INPP5A: variants seen among roughly 807,000 people sequenced by gnomAD.
INPP5A encodes inositol polyphosphate-5-phosphatase A.
A neutral mutation model predicts 65.2 loss-of-function variants in INPP5A; 14 were observed. The observed-to-expected ratio is 0.21, with a 90% CI of 0.14 to 0.34. INPP5A has a LOEUF of 0.34. Among genes scored for constraint, INPP5A ranks in the 10% least tolerant of loss-of-function variants. The pLI is 1.00. For missense variants in INPP5A, 431 were observed against 545.6 expected (o/e 0.79, Z 2.09); for synonymous variants, 207 against 208.3 (o/e 0.99, Z 0.05).
chr10:132,595,689 C>T (rs1338310046), intron 1 of INPP5A, among the ~76,000 whole-genome samples: 1 of 152,134 alleles, frequency 6.6e-6, no homozygotes, highest in East Asian at 1.9e-4. Context: ...TTGATTCCTC[C>T]CTCTTCTTTC....
At chr10:132,755,462 G>C (rs1178070777) in intron 11 of INPP5A, among the ~76,000 whole-genome samples, 1 of 138,736 alleles carries the variant, frequency 7.2e-6, no homozygotes, top group Non-Finnish European at 1.5e-5. Flanking sequence ...GTGTGAGCGA[G>C]TGTGTGTGAG....
At chr10:132,554,269 G>T (rs1339593037) in intron 1 of INPP5A, among the ~76,000 whole-genome samples, 1 of 152,200 alleles carries the variant, frequency 6.6e-6, no homozygotes, top group Non-Finnish European at 1.5e-5. Flanking sequence ...TGGCTCCACG[G>T]CTGTGGTCAC....
chr10:132,678,245 C>T lies in INPP5A; in HGVS notation c.307-12147C>T, dbSNP rs1324343998. On this transcript the variant is annotated intron_variant, in intron 4 of 15. Coordinates refer to ENST00000368594, the MANE Select transcript of INPP5A (RefSeq NM_005539.5). The surrounding 1 kb of genome is among the most constrained non-coding windows in gnomAD (Gnocchi z 4.1). ...TGGGGGAAGTGGGCAGTAGTGAGGA[C>T]GCCGCCTTGTCCAGTTGGGTCAGCC... 4.6e-5 allele frequency among the ~76,000 whole-genome samples: 7 copies of T among 152,308 alleles called. No individual in the cohort carries two copies. The highest frequency in any genetic ancestry group is 7.2e-5 in the African/African-American group (3 of 41,584).
intron 2 of INPP5A, among the ~76,000 whole-genome samples, chr10:132,640,517 A>G (rs912847204): frequency 3.9e-5 from 6 of 152,272 alleles, no homozygotes; most frequent in Non-Finnish European, 8.8e-5. Flanking sequence ...AGGCTTGGGC[A>G]AAGCCCGAAG....
chr10:132,763,925 G>C (rs1418091454), intron 11 of INPP5A, among the ~76,000 whole-genome samples: 4 of 152,288 alleles, frequency 2.6e-5, no homozygotes, highest in Non-Finnish European at 4.4e-5. Context: ...AATTGCTCCA[G>C]AGCCCATGCC....
chr10:132,625,858 GTGTGTGTGTGTGTGTGTGTT>G (rs2072176150), intron 2 of INPP5A, among the ~76,000 whole-genome samples: 1 of 151,476 alleles, frequency 6.6e-6, no homozygotes, highest in Non-Finnish European at 1.5e-5. Flanking sequence ...GTGTGTGTGT[GTGTGTGTGTGTGTGTGTGTT>G]TGTGTGTGTG....
Position 132,749,585 on chromosome 10 carries a change from A to G in INPP5A, c.801A>G (p.Ile267Met). 1 of 1,612,956 alleles carries G rather than the reference A, an allele frequency of 6.2e-7. No individual in the cohort carries two copies. Among genetic ancestry groups the G allele is most frequent in the Non-Finnish European group, 8.5e-7 (1 of 1,180,000 alleles). The change falls in exon 10 of 16, where the codon ATA becomes ATG. Residue 267 changes from isoleucine (I) to methionine (M), a missense_variant. Physicochemically the swap from Ile to Met is conservative, Grantham distance 10 (BLOSUM62 1). Coordinates refer to ENST00000368594, the MANE Select transcript of INPP5A (RefSeq NM_005539.5). Reference sequence around the variant, plus strand: ...ACACCAATGAAGTGGTGAAGCTCATATTTCGTGAGTCGGACAACGACCGGA... The same window carrying G: ...ACACCAATGAAGTGGTGAAGCTCATGTTTCGTGAGTCGGACAACGACCGGA... ...AADTNEVVKLIFRESDNDRKV... is the reference protein window; with the variant it reads ...AADTNEVVKLMFRESDNDRKV...
chr10:132,607,138 A>G (rs2071867738), intron 1 of INPP5A, among the ~76,000 whole-genome samples: 1 of 152,208 alleles, frequency 6.6e-6, no homozygotes, highest in South Asian at 2.1e-4. Context: ...CACAGAGCCC[A>G]GGAGCAGCCA....
At chr10:132,677,832 C>A (rs893308711) in intron 4 of INPP5A, among the ~76,000 whole-genome samples, 1 of 152,258 alleles carries the variant, frequency 6.6e-6, no homozygotes, top group Non-Finnish European at 1.5e-5. Context: ...AGAGCCGTGA[C>A]AGGGTTCAGC....
intron 1 of INPP5A, among the ~76,000 whole-genome samples, chr10:132,552,700 C>T (rs2071071767): frequency 6.9e-6 from 1 of 145,606 alleles, no homozygotes; most frequent in Non-Finnish European, 1.5e-5. Flanking sequence ...TGGTGAACGC[C>T]TTCTCAGAGC....
chr10:132,597,855 A>G (rs1174878284), intron 1 of INPP5A, among the ~76,000 whole-genome samples: 1 of 145,462 alleles, frequency 6.9e-6, no homozygotes, highest in Non-Finnish European at 1.5e-5. Context: ...TGCTATGCGC[A>G]GTGACTCTGG....
Position 132,676,342 on chromosome 10 carries a change from T to C in INPP5A, c.307-14050T>C, listed in dbSNP as rs2133446200. 6.6e-6 allele frequency among the ~76,000 whole-genome samples: 1 copy of C among 152,200 alleles called. No individual in the cohort carries two copies. Among genetic ancestry groups the C allele is most frequent in the South Asian group, 2.1e-4 (1 of 4,812 alleles). On this transcript the variant is annotated intron_variant, in intron 4 of 15. Coordinates refer to ENST00000368594, the MANE Select transcript of INPP5A (RefSeq NM_005539.5). This position sits in a 1 kb window ranked among gnomAD's most constrained non-coding sequence, Gnocchi z 4.0. The stretch of plus-strand genomic sequence containing the variant: ...TGCGGAAAGGCTCTGGGGCGTCACG[T>C]CTCCCTGTGGCCGAGGCTGCTGTTG...
chr10:132,730,419 G>A (rs1195055348), intron 9 of INPP5A, among the ~76,000 whole-genome samples: 1 of 152,242 alleles, frequency 6.6e-6, no homozygotes, highest in East Asian at 1.9e-4. Flanking sequence ...CGCGGGAGGG[G>A]GCGCCATCTG....
chr10:132,650,795 G>A lies in INPP5A; in HGVS notation c.306+290G>A, dbSNP rs1378897051. On this transcript the variant is annotated intron_variant, in intron 4 of 15. Coordinates refer to ENST00000368594, the MANE Select transcript of INPP5A (RefSeq NM_005539.5). This position sits in a 1 kb window ranked among gnomAD's most constrained non-coding sequence, Gnocchi z 5.5. ...GGGGAGAGGCCCAGGGCCTCAGCGTGCATGAAAATAAGAGGGAGTCCGGGG... is the reference window on the plus strand; with the variant it reads ...GGGGAGAGGCCCAGGGCCTCAGCGTACATGAAAATAAGAGGGAGTCCGGGG... 6.6e-6 allele frequency among the ~76,000 whole-genome samples: 1 copy of A among 152,182 alleles called. No homozygotes were observed. The highest frequency in any genetic ancestry group is 1.5e-5 in the Non-Finnish European group (1 of 68,022).
chr10:132,672,700 T>C (rs2072907359), intron 4 of INPP5A, among the ~76,000 whole-genome samples: 1 of 152,240 alleles, frequency 6.6e-6, no homozygotes, highest in African/African-American at 2.4e-5. Context: ...ACAAGGTCTT[T>C]CCTAAGTTTG....
At chr10:132,690,901 C>T (rs1845248075) in intron 5 of INPP5A, among the ~76,000 whole-genome samples, 2 of 152,192 alleles carry the variant, frequency 1.3e-5, no homozygotes, top group Admixed American at 1.3e-4. Context: ...CTGTCCCCTC[C>T]TGTTCATTTC....
intron 9 of INPP5A, among the ~76,000 whole-genome samples, chr10:132,736,737 T>G (rs1846183395): frequency 6.6e-6 from 1 of 152,254 alleles, no homozygotes; most frequent in South Asian, 2.1e-4. Flanking sequence ...CCAGGCGTCC[T>G]TCCTTCTAGT....
At chr10:132,618,665 G>A (rs2072073524) in intron 2 of INPP5A, among the ~76,000 whole-genome samples, 1 of 152,202 alleles carries the variant, frequency 6.6e-6, no homozygotes, top group African/African-American at 2.4e-5. Flanking sequence ...TTCGCTCACG[G>A]TTCGCAGGAT....
At chr10:132,743,647 C>T (rs915032175) in intron 9 of INPP5A, among the ~76,000 whole-genome samples, 4 of 152,234 alleles carry the variant, frequency 2.6e-5, no homozygotes, top group East Asian at 3.9e-4. Context: ...CACTCCTCGT[C>T]ACGTGTGGGG....
Sources: allele counts gnomAD v4.1 joint callset (sites outside exome capture counted in the v4.1 genomes callset), GRCh38; gene constraint gnomAD v4.1.1; non-coding constraint Gnocchi (gnomAD v3.1); transcripts MANE v1.5; gene names NCBI Gene and HGNC (gene_info 2026-07-23, HGNC 2026-07-21).